NRXN3: variants seen among roughly 807,000 people sequenced by gnomAD.
The protein encoded by NRXN3 is neurexin III.
Under a neutral mutation model 137.6 loss-of-function variants are expected in NRXN3, and 32 were observed. The observed-to-expected ratio is 0.23, with a 90% CI of 0.18 to 0.31. The LOEUF is 0.31. Among genes scored for constraint, NRXN3 ranks in the 10% least tolerant of loss-of-function variants. The pLI, the probability that NRXN3 is intolerant of heterozygous loss-of-function variation, is 1.00. For synonymous variants in NRXN3, 798 were observed against 784.5 expected, an observed-to-expected ratio of 1.02 and a Z score of -0.29; for missense variants, 1,574 against 2,062.5, an observed-to-expected ratio of 0.76 and a Z score of 4.59.
At chr14:79,259,097 T>A (rs1034440648) in intron 15 of NRXN3, among the ~76,000 whole-genome samples, 7 of 152,140 alleles carry the variant, frequency 4.6e-5, no homozygotes, top group Non-Finnish European at 8.8e-5. Flanking sequence ...AAAAAAAAGA[T>A]AAGAGGCAGC....
At chr14:78,392,584 A>T (rs1474063687) in intron 4 of NRXN3, among the ~76,000 whole-genome samples, 1 of 152,204 alleles carries the variant, frequency 6.6e-6, no homozygotes, top group Non-Finnish European at 1.5e-5. Flanking sequence ...AAGCCTAAAT[A>T]AGACTGTAAA....
chr14:78,335,066 C>G (rs139436648), intron 4 of NRXN3, among the ~76,000 whole-genome samples: 1 of 152,114 alleles, frequency 6.6e-6, no homozygotes, highest in Non-Finnish European at 1.5e-5. Flanking sequence ...CACCCCAAGG[C>G]CACTCTTCTC....
intron 15 of NRXN3, among the ~76,000 whole-genome samples, chr14:79,385,595 T>G (rs925591540): frequency 2.0e-5 from 3 of 151,936 alleles, no homozygotes; most frequent in African/African-American, 7.3e-5. Flanking sequence ...TGGTGGGAGG[T>G]GTTAGAGTCA....
chr14:79,657,296 A>G (rs888215312), intron 16 of NRXN3, among the ~76,000 whole-genome samples: 1 of 152,072 alleles, frequency 6.6e-6, no homozygotes, highest in Admixed American at 6.6e-5. Flanking sequence ...CTAAATCTCA[A>G]ATTCTTCTAG....
intron 1 of NRXN3, among the ~76,000 whole-genome samples, chr14:78,213,436 A>G (rs2062941532): frequency 6.6e-6 from 1 of 151,990 alleles, no homozygotes; most frequent in Non-Finnish European, 1.5e-5. Context: ...CTTGATGCAC[A>G]CCTGACTCCA....
At chr14:78,695,101 G>A (rs1444308477) in intron 6 of NRXN3, among the ~76,000 whole-genome samples, 1 of 151,940 alleles carries the variant, frequency 6.6e-6, no homozygotes, top group Non-Finnish European at 1.5e-5. Context: ...TCTGATAGCT[G>A]CCCATATTCC....
At chr14:78,308,755 G>A (rs2077628952) in intron 4 of NRXN3, among the ~76,000 whole-genome samples, 1 of 152,090 alleles carries the variant, frequency 6.6e-6, no homozygotes, top group Admixed American at 6.6e-5. Context: ...GTTTGTGTGT[G>A]TGTATTATAC....
intron 20 of NRXN3, chr14:79,854,157 AC>A: frequency 1.0e-6 from 1 of 982,846 alleles, no homozygotes; most frequent in Non-Finnish European, 1.2e-6. Flanking sequence ...GAGCATTCTT[AC>A]ACAACTTTCT....
intron 20 of NRXN3, among the ~76,000 whole-genome samples, chr14:79,845,291 ATC>A (rs1240050054): frequency 6.6e-6 from 1 of 152,232 alleles, no homozygotes; most frequent in East Asian, 1.9e-4. Context: ...AACAATTTTA[ATC>A]TCTTTCAAGA....
intron 15 of NRXN3, among the ~76,000 whole-genome samples, chr14:79,059,765 T>C (rs1196778002): frequency 1.3e-5 from 2 of 152,176 alleles, no homozygotes; most frequent in East Asian, 1.9e-4. Context: ...AACTGGATGG[T>C]AGATGAATAT....
intron 4 of NRXN3, among the ~76,000 whole-genome samples, chr14:78,546,485 T>C (rs539328590): frequency 2.6e-4 from 39 of 152,366 alleles, no homozygotes; most frequent in African/African-American, 8.9e-4. Flanking sequence ...AATATGTTAC[T>C]TTTTAATGTA....
At position 78,445,467 on chromosome 14, in the gene NRXN3, C is replaced by A. The variant is rs544913403; in HGVS notation, c.757+147607C>A. Among the ~76,000 whole-genome samples the A allele has an allele frequency of 3.3e-5, 5 of 152,308 alleles. 1 individual carries two copies. The South Asian group carries it at 1.0e-3, about 32-fold the overall frequency. On this transcript the variant is annotated intron_variant, in intron 4 of 20. Coordinates refer to ENST00000335750, the MANE Select transcript of NRXN3 (RefSeq NM_001330195.2). ...AGAGAGCCTTATCAGATAGAACAAG[C>A]AGCATTTCAGCAGGGTGCAGAAGGA...
chr14:79,619,071 T>C (rs989729543), intron 16 of NRXN3, among the ~76,000 whole-genome samples: 3 of 152,096 alleles, frequency 2.0e-5, no homozygotes, highest in Admixed American at 6.6e-5. Flanking sequence ...TTGTGTTGAA[T>C]TGTTTAAGTT....
intron 10 of NRXN3, among the ~76,000 whole-genome samples, chr14:78,824,718 T>TA (rs1003217307): frequency 1.3e-5 from 2 of 152,018 alleles, no homozygotes; most frequent in Non-Finnish European, 2.9e-5. Flanking sequence ...AAATTTAAAT[T>TA]AAAAAAATGT....
At chr14:78,791,142 T>G (rs934968009) in intron 8 of NRXN3, among the ~76,000 whole-genome samples, 1 of 152,198 alleles carries the variant, frequency 6.6e-6, no homozygotes, top group Non-Finnish European at 1.5e-5. Flanking sequence ...GATTAGGACC[T>G]TATCACACCT....
intron 8 of NRXN3, among the ~76,000 whole-genome samples, chr14:78,780,431 T>A (rs965078831): frequency 6.6e-6 from 1 of 151,992 alleles, no homozygotes; most frequent in African/African-American, 2.4e-5. Context: ...AAAGCATAGA[T>A]CATTAAAAAA....
chr14:79,330,959 TC>T (rs2091600891), intron 15 of NRXN3, among the ~76,000 whole-genome samples: 1 of 152,118 alleles, frequency 6.6e-6, no homozygotes. Context: ...CAGTAACGTT[TC>T]ACTTAGAAAA....
chr14:79,298,143 C>T (rs996917058), intron 15 of NRXN3, among the ~76,000 whole-genome samples: 6 of 151,930 alleles, frequency 3.9e-5, no homozygotes, highest in African/African-American at 7.2e-5. Flanking sequence ...TTTTGTATTA[C>T]GCATAACAAA....
intron 15 of NRXN3, among the ~76,000 whole-genome samples, chr14:79,308,947 A>G (rs1363709145): frequency 4.6e-5 from 5 of 109,188 alleles, no homozygotes; most frequent in Admixed American, 4.1e-4. Flanking sequence ...TTTTTTTATT[A>G]TACTCTAAGT....
Sources: allele counts gnomAD v4.1 joint callset (sites outside exome capture counted in the v4.1 genomes callset), GRCh38; gene constraint gnomAD v4.1.1; transcripts MANE v1.5; gene names NCBI Gene and HGNC (gene_info 2026-07-23, HGNC 2026-07-21).